Variants in USH2A observed in about 807,000 individuals in gnomAD.
USH2A encodes usherin.
A neutral mutation model predicts 538.9 loss-of-function variants in USH2A; 443 were observed. The ratio of observed to expected loss-of-function variants is 0.82; its 90% CI spans 0.76 to 0.89. The LOEUF (loss-of-function observed/expected upper bound fraction) is 0.89. USH2A is among the 40% of genes least tolerant of loss of function. The pLI is 0.00. For missense variants in USH2A, 6,633 were observed against 6,324.8 expected, an observed-to-expected ratio of 1.05 and a Z score of -1.65; for synonymous variants, 2,413 against 2,273.5, an observed-to-expected ratio of 1.06 and a Z score of -1.75.
At chr1:216,291,601 A>G (rs2037003368) in intron 10 of USH2A, among the ~76,000 whole-genome samples, 1 of 152,212 alleles carries the variant, frequency 6.6e-6, no homozygotes, top group African/African-American at 2.4e-5. Context: ...ATATTTCACA[A>G]ATTCAGATGT....
In USH2A at chr1:215,758,762, A is replaced by AAAAG. The variant is rs374404641; in HGVS notation, c.11232-14_11232-11dup. ...TAACTTGTAAGTGTATCTATATTTA[A>AAAAG]AAAGAAAGAAGAATTGTGGTAAGGC... On this transcript the variant is annotated splice_polypyrimidine_tract_variant and intron_variant, in intron 57 of 71. Transcript: ENST00000307340. 6.2e-7 allele frequency: 1 copy of AAAAG among 1,613,256 alleles called. No individual in the cohort carries two copies. The highest frequency in any genetic ancestry group is 1.3e-5 in the African/African-American group (1 of 75,034).
intron 11 of USH2A, among the ~76,000 whole-genome samples, chr1:216,254,642 T>C (rs895116267): frequency 1.5e-4 from 23 of 152,116 alleles, no homozygotes; most frequent in African/African-American, 5.6e-4. Flanking sequence ...ATATTAGAGG[T>C]TGGATGGCAG....
At chr1:215,959,590 T>G (rs1254200547) in intron 37 of USH2A, among the ~76,000 whole-genome samples, 2 of 152,130 alleles carry the variant, frequency 1.3e-5, no homozygotes, top group African/African-American at 4.8e-5. Flanking sequence ...GCTTTGCTTT[T>G]CTTTTGTTTT....
At chr1:216,273,813 GA>G (rs71739884) in intron 11 of USH2A, among the ~76,000 whole-genome samples, 41,217 of 115,756 alleles carry the variant, frequency 0.36, 5,476 homozygotes, top group Middle Eastern at 0.51. Context: ...CTCCAATCCA[GA>G]AAAAAAAAAA....
At position 216,225,479 on chromosome 1, in the gene USH2A, C is replaced by T. The variant is rs1440029397; in HGVS notation, c.2993+6474G>A. On this transcript the variant is annotated intron_variant, in intron 14 of 71. Transcript: ENST00000307340. ...AGGGTCAAGTCAAGTTACCAGCATTCCACACGACTGATTTAGTAAGAGACA... is the reference window on the plus strand; with the variant it reads ...AGGGTCAAGTCAAGTTACCAGCATTTCACACGACTGATTTAGTAAGAGACA... 5.2e-4 allele frequency among the ~76,000 whole-genome samples: 79 copies of T among 152,290 alleles called. 2 individuals are homozygous for T. The highest frequency in any genetic ancestry group is 4.4e-5 in the Non-Finnish European group (3 of 68,016).
chr1:216,262,003 G>A (rs2036382629), intron 11 of USH2A, among the ~76,000 whole-genome samples: 1 of 152,098 alleles, frequency 6.6e-6, no homozygotes, highest in Non-Finnish European at 1.5e-5. Context: ...CTACACTACT[G>A]TGCCCACTCA....
intron 2 of USH2A, 69 bp from the exon 3 acceptor site, chr1:216,418,748 C>T: frequency 6.4e-7 from 1 of 1,569,686 alleles, no homozygotes; most frequent in Non-Finnish European, 8.8e-7. Context: ...AGGTATTGTG[C>T]AGTTACAGTG....
chr1:216,094,483 T>C (rs55849270), intron 22 of USH2A, among the ~76,000 whole-genome samples: 6,013 of 152,198 alleles, frequency 0.04, 415 homozygotes, highest in African/African-American at 0.14. Context: ...TTTTCTTGCC[T>C]TTGCTATACT....
chr1:215,648,407 C>T (rs934359989), intron 66 of USH2A, 121 bp downstream of exon 66: 93 of 1,040,984 alleles, frequency 8.9e-5, no homozygotes, highest in Non-Finnish European at 1.7e-5. Context: ...CAAGTCCTCC[C>T]TGGGGAGTGC....
At chr1:215,832,663 A>C (rs1319452165) in intron 47 of USH2A, among the ~76,000 whole-genome samples, 4 of 151,994 alleles carry the variant, frequency 2.6e-5, no homozygotes, top group Admixed American at 1.3e-4. Context: ...AGGGTAAAAG[A>C]CTGAAAGTTT....
chr1:216,411,860 T>A (rs1253096386), intron 3 of USH2A, among the ~76,000 whole-genome samples: 1 of 152,162 alleles, frequency 6.6e-6, no homozygotes, highest in Non-Finnish European at 1.5e-5. Flanking sequence ...GCCACCAGTT[T>A]GTGATAATTT....
intron 18 of USH2A, among the ~76,000 whole-genome samples, chr1:216,197,029 G>A (rs369005226): frequency 4.0e-4 from 61 of 152,018 alleles, no homozygotes; most frequent in African/African-American, 1.2e-3. Flanking sequence ...TAAGTCTTAC[G>A]AGTATCTAAA....
At chr1:215,875,470 T>A (rs189418682) in intron 43 of USH2A, among the ~76,000 whole-genome samples, 1 of 152,272 alleles carries the variant, frequency 6.6e-6, no homozygotes, top group East Asian at 1.9e-4. Context: ...TGGGTGTGTT[T>A]ATGTCAATTC....
At chr1:215,907,800 C>T (rs1665678162) in intron 38 of USH2A, among the ~76,000 whole-genome samples, 1 of 151,814 alleles carries the variant, frequency 6.6e-6, no homozygotes, top group Admixed American at 6.6e-5. Flanking sequence ...AGTGCTTTGT[C>T]TAGGAAAGAT....
At chr1:216,124,353 C>T (rs78038498) in intron 21 of USH2A, among the ~76,000 whole-genome samples, 1,632 of 152,058 alleles carry the variant, frequency 0.011, 29 homozygotes, top group African/African-American at 0.038. Context: ...GTTGGAAATC[C>T]TGCAGCAAGC....
chr1:216,112,468 CTTTTA>C (rs1009144547), intron 21 of USH2A, among the ~76,000 whole-genome samples: 8 of 152,004 alleles, frequency 5.3e-5, no homozygotes, highest in African/African-American at 1.4e-4. Context: ...TTTATAAAAA[CTTTTA>C]TTTTAGGTTG....
At chr1:216,083,294 A>G in intron 26 of USH2A, 162 bp downstream of exon 26, 1 of 667,146 alleles carries the variant, frequency 1.5e-6, no homozygotes, top group Non-Finnish European at 2.4e-6. Flanking sequence ...AAAATACAAA[A>G]TGTTTCACAG....
chr1:215,845,627 CT>C lies in USH2A; in HGVS notation c.9055+196del, dbSNP rs148509498. On this transcript the variant is annotated intron_variant, in intron 45 of 71. Transcript: ENST00000307340. ...CTGGGCTAATATCTCATTATTAGAG[CT>C]TGTGCTTCTGTCTCAATGGGACTGC... 3.2e-3 allele frequency among the ~76,000 whole-genome samples: 483 copies of C among 152,266 alleles called. 2 individuals are homozygous for C. The highest frequency in any genetic ancestry group is 0.011 in the African/African-American group (468 of 41,558).
intron 58 of USH2A, among the ~76,000 whole-genome samples, chr1:215,756,401 A>T (rs1660794037): frequency 6.6e-6 from 1 of 152,236 alleles, no homozygotes; most frequent in South Asian, 2.1e-4. Flanking sequence ...AGATATTTTG[A>T]TAAACCATGG....
Sources: allele counts gnomAD v4.1 joint callset (sites outside exome capture counted in the v4.1 genomes callset), GRCh38; gene constraint gnomAD v4.1.1; transcripts MANE v1.5; gene names NCBI Gene and HGNC (gene_info 2026-07-23, HGNC 2026-07-21).